CA10: variants seen among roughly 807,000 people sequenced by gnomAD.
The protein encoded by CA10 is carbonic anhydrase-related protein 10.
A neutral mutation model predicts 44.2 loss-of-function variants in CA10; 14 were observed. The ratio of observed to expected loss-of-function variants is 0.32; its 90% confidence interval spans 0.21 to 0.50. The LOEUF (loss-of-function observed/expected upper bound fraction) is 0.50. Among genes scored for constraint, CA10 ranks in the 20% least tolerant of loss-of-function variants. The pLI, the probability that CA10 is intolerant of heterozygous loss-of-function variation, is 0.99. For missense variants in CA10, 350 were observed against 409.7 expected (o/e 0.85, Z 1.26); for synonymous variants, 159 against 141.6 (o/e 1.12, Z -0.87).
At chr17:51,852,010 T>C (rs1486218659) in intron 3 of CA10, among the ~76,000 whole-genome samples, 4 of 152,194 alleles carry the variant, frequency 2.6e-5, no homozygotes, top group Non-Finnish European at 4.4e-5. Context: ...TAAAGACTTC[T>C]AGTTGAAAGG....
At chr17:51,704,045 C>A (rs1189689404) in intron 4 of CA10, among the ~76,000 whole-genome samples, 2 of 152,180 alleles carry the variant, frequency 1.3e-5, no homozygotes, top group Non-Finnish European at 2.9e-5. Flanking sequence ...GAAAACTGAT[C>A]TCTTTCGATT....
chr17:51,802,600 A>C (rs1384523807), intron 3 of CA10, among the ~76,000 whole-genome samples: 1 of 145,152 alleles, frequency 6.9e-6, no homozygotes, highest in Non-Finnish European at 1.5e-5. Context: ...AACCAGAAGC[A>C]CTCCCTACAT....
intron 4 of CA10, among the ~76,000 whole-genome samples, chr17:51,685,983 G>A (rs1263952): frequency 0.34 from 50,973 of 151,596 alleles, 9,042 homozygotes; most frequent in Admixed American, 0.41. Flanking sequence ...GGATTGGGGG[G>A]CTAACACGGT....
intron 4 of CA10, among the ~76,000 whole-genome samples, chr17:51,686,526 A>G (rs1434699836): frequency 6.6e-6 from 1 of 152,076 alleles, no homozygotes; most frequent in Non-Finnish European, 1.5e-5. Context: ...AAAGTTTTCT[A>G]TGTATTAGAA....
At chr17:51,929,654 C>T (rs1366723245) in intron 3 of CA10, among the ~76,000 whole-genome samples, 2 of 151,506 alleles carry the variant, frequency 1.3e-5, no homozygotes, top group African/African-American at 2.4e-5. Context: ...ACTTTTCCTT[C>T]TTAAATACTG....
chr17:51,871,394 ATTTTTTTTTTT>A (rs11438821), intron 3 of CA10, among the ~76,000 whole-genome samples: 1 of 81,280 alleles, frequency 1.2e-5, no homozygotes, highest in Non-Finnish European at 2.2e-5. Context: ...ACCAGGCCTA[ATTTTTTTTTTT>A]TTTTTTTTTT....
chr17:51,819,721 G>C (rs1300115549), intron 3 of CA10, among the ~76,000 whole-genome samples: 1 of 152,168 alleles, frequency 6.6e-6, no homozygotes, highest in Non-Finnish European at 1.5e-5. Flanking sequence ...GTGCAGGTGG[G>C]ATTCTCTTTC....
At chr17:51,811,935 T>TC (rs1907382864) in intron 3 of CA10, among the ~76,000 whole-genome samples, 2 of 152,174 alleles carry the variant, frequency 1.3e-5, no homozygotes, top group Non-Finnish European at 2.9e-5. Context: ...CCTTGAACTG[T>TC]CCTCCAAAGT....
chr17:51,684,946 T>C (rs886458820), intron 4 of CA10, among the ~76,000 whole-genome samples: 7 of 152,194 alleles, frequency 4.6e-5, no homozygotes, highest in African/African-American at 1.7e-4. Context: ...AGCTCCACAT[T>C]TGGCCTTGAA....
intron 3 of CA10, among the ~76,000 whole-genome samples, chr17:51,850,763 A>G (rs1385672973): frequency 6.6e-6 from 1 of 152,214 alleles, no homozygotes; most frequent in Non-Finnish European, 1.5e-5. Context: ...TTCTTGGTGC[A>G]TGTGTTGAGC....
At chr17:51,691,622 A>T (rs554974328) in intron 4 of CA10, among the ~76,000 whole-genome samples, 3 of 151,866 alleles carry the variant, frequency 2.0e-5, no homozygotes, top group Non-Finnish European at 4.4e-5. Context: ...GTTCATATAT[A>T]AAAAAAATCA....
At chr17:51,803,031 T>G (rs1365198578) in intron 3 of CA10, among the ~76,000 whole-genome samples, 2 of 152,212 alleles carry the variant, frequency 1.3e-5, no homozygotes, top group African/African-American at 2.4e-5. Context: ...GGCTACAGAA[T>G]TAACATGCTA....
intron 1 of CA10, among the ~76,000 whole-genome samples, chr17:52,112,970 G>C (rs996762578): frequency 5.9e-5 from 9 of 152,124 alleles, no homozygotes; most frequent in Non-Finnish European, 1.3e-4. Flanking sequence ...CTTGGAAGAT[G>C]GCTTCAGTTA....
At chr17:51,901,976 A>T (rs531028277) in intron 3 of CA10, among the ~76,000 whole-genome samples, 1 of 152,320 alleles carries the variant, frequency 6.6e-6, no homozygotes, top group African/African-American at 2.4e-5. Flanking sequence ...CAACTTACTG[A>T]AAAACCTGGA....
intron 2 of CA10, among the ~76,000 whole-genome samples, chr17:51,961,182 CACACAA>C (rs924423553): frequency 4.1e-5 from 4 of 96,858 alleles, no homozygotes; most frequent in South Asian, 4.4e-4. Flanking sequence ...TCTGTATGTA[CACACAA>C]ACACACACAC....
intron 1 of CA10, among the ~76,000 whole-genome samples, chr17:52,132,910 C>T (rs987082279): frequency 1.3e-5 from 2 of 152,064 alleles, no homozygotes; most frequent in African/African-American, 2.4e-5. Flanking sequence ...AGCAAGGGTA[C>T]CTTGGAGCAG....
intron 2 of CA10, among the ~76,000 whole-genome samples, chr17:52,064,038 G>A (rs1598195138): frequency 6.6e-6 from 1 of 152,220 alleles, no homozygotes; most frequent in Admixed American, 6.5e-5. Context: ...GAATAGGCTT[G>A]ACCTTTAAAA....
chr17:51,637,236 C>A (rs1485198647), intron 6 of CA10, among the ~76,000 whole-genome samples: 1 of 152,102 alleles, frequency 6.6e-6, no homozygotes, highest in Non-Finnish European at 1.5e-5. Context: ...GTTGCTGTCT[C>A]CTGATCTTCT....
chr17:51,907,985 T>C (rs1399002185), intron 3 of CA10, among the ~76,000 whole-genome samples: 1 of 152,132 alleles, frequency 6.6e-6, no homozygotes, highest in Non-Finnish European at 1.5e-5. Flanking sequence ...TCCCAGAGCC[T>C]AAAACAGTGC....
Sources: allele counts gnomAD v4.1 joint callset (sites outside exome capture counted in the v4.1 genomes callset), GRCh38; gene constraint gnomAD v4.1.1; transcripts MANE v1.5; gene names NCBI Gene and HGNC (gene_info 2026-07-23, HGNC 2026-07-21).